The following ANGPT1 variants were observed in gnomAD, a reference collection of about 807,000 sequenced individuals.
ANGPT1 encodes angiopoietin 1.
In ANGPT1, 17 loss-of-function variants were observed where a neutral mutation model predicts 62.2. The observed-to-expected ratio is 0.27, with a 90% CI of 0.19 to 0.41. The LOEUF is 0.41. Ranked by LOEUF, ANGPT1 falls within the 10% of genes least tolerant of loss-of-function variation. The pLI, the probability that ANGPT1 is intolerant of heterozygous loss-of-function variation, is 1.00. For synonymous variants in ANGPT1, 199 were observed against 198.9 expected (o/e 1.00, Z 0.00); for missense variants, 478 against 594.9 (o/e 0.80, Z 2.04).
chr8:107,442,803 T>C (rs1247791275), intron 1 of ANGPT1, among the ~76,000 whole-genome samples: 2 of 152,208 alleles, frequency 1.3e-5, no homozygotes, highest in Non-Finnish European at 2.9e-5. Context: ...CCCAAAGTTT[T>C]AATTTTCCAC....
chr8:107,345,376 C>T (rs915055530), intron 2 of ANGPT1, among the ~76,000 whole-genome samples: 7 of 152,192 alleles, frequency 4.6e-5, no homozygotes, highest in East Asian at 1.9e-4. Context: ...TTACATAGCA[C>T]GCATCTTAAC....
intron 2 of ANGPT1, among the ~76,000 whole-genome samples, chr8:107,339,198 A>C (rs1815642472): frequency 6.6e-6 from 1 of 152,142 alleles, no homozygotes; most frequent in Admixed American, 6.5e-5. Flanking sequence ...CCTCAAGTCT[A>C]TTTGTCACAC....
At chr8:107,304,466 G>A (rs966153063) in intron 4 of ANGPT1, among the ~76,000 whole-genome samples, 1 of 151,522 alleles carries the variant, frequency 6.6e-6, no homozygotes, top group East Asian at 1.9e-4. Flanking sequence ...CAAACACATT[G>A]AGTTATAATA....
chr8:107,493,637 G>T (rs1034979668), intron 1 of ANGPT1, among the ~76,000 whole-genome samples: 1 of 150,384 alleles, frequency 6.6e-6, no homozygotes, highest in Non-Finnish European at 1.5e-5. Context: ...AGACAGTAAA[G>T]TGCAGAATGC....
chr8:107,314,086 T>C (rs568492231), intron 4 of ANGPT1, among the ~76,000 whole-genome samples: 1 of 152,332 alleles, frequency 6.6e-6, no homozygotes, highest in South Asian at 2.1e-4. Flanking sequence ...ATCTGTTGAA[T>C]TTGACTTGAG....
chr8:107,340,666 T>C (rs1414577595), intron 2 of ANGPT1, among the ~76,000 whole-genome samples: 3 of 151,310 alleles, frequency 2.0e-5, no homozygotes, highest in African/African-American at 7.3e-5. Context: ...TTGTATTTTT[T>C]TTTTTTTTGT....
intron 8 of ANGPT1, among the ~76,000 whole-genome samples, chr8:107,256,500 T>C (rs185305495): frequency 4.0e-4 from 61 of 152,334 alleles, no homozygotes; most frequent in Non-Finnish European, 8.4e-4. Context: ...ATTCCTTGTA[T>C]TTACAGGTGA....
At chr8:107,314,723 C>T (rs958494391) in intron 4 of ANGPT1, among the ~76,000 whole-genome samples, 3 of 152,176 alleles carry the variant, frequency 2.0e-5, no homozygotes, top group African/African-American at 2.4e-5. Context: ...CAGCAGATGA[C>T]TTCCTGTATT....
chr8:107,352,967 A>G (rs189725506), intron 1 of ANGPT1, among the ~76,000 whole-genome samples: 4 of 151,080 alleles, frequency 2.6e-5, no homozygotes, highest in African/African-American at 9.7e-5. Flanking sequence ...TGGCCTTATT[A>G]AAAAAAAAGA....
At chr8:107,446,985 C>T (rs61269921) in intron 1 of ANGPT1, among the ~76,000 whole-genome samples, 10,218 of 152,244 alleles carry the variant, frequency 0.067, 450 homozygotes, top group African/African-American at 0.11. Flanking sequence ...GGCCACTCTC[C>T]TTCTAGTAGA....
chr8:107,325,949 G>A lies in ANGPT1; in HGVS notation c.576-3821C>T, dbSNP rs116881589. Among the ~76,000 whole-genome samples, 849 of 152,184 alleles carry A rather than the reference G, an allele frequency of 5.6e-3. 4 individuals carry two copies. The highest frequency in any genetic ancestry group is 0.034 in the Middle Eastern group (10 of 292). On this transcript the variant is annotated intron_variant, in intron 3 of 8. Transcript: ENST00000517746. ...GATCAAAGAAGTCCTGGTACTAAAG[G>A]AAACAATTCTGGACACTGGCTTGTG...
intron 1 of ANGPT1, among the ~76,000 whole-genome samples, chr8:107,443,819 CAA>C (rs34247379): frequency 0.027 from 3,702 of 136,092 alleles, 54 homozygotes; most frequent in Middle Eastern, 0.049. Context: ...AACTATGTCT[CAA>C]AAAAAAAAAA....
At chr8:107,482,147 C>T (rs747999797) in intron 1 of ANGPT1, among the ~76,000 whole-genome samples, 4 of 152,094 alleles carry the variant, frequency 2.6e-5, no homozygotes, top group Non-Finnish European at 5.9e-5. Context: ...TCATTTTTAT[C>T]TTTCAATTAT....
intron 1 of ANGPT1, among the ~76,000 whole-genome samples, chr8:107,359,579 G>GCATT (rs1816117202): frequency 6.6e-6 from 1 of 152,140 alleles, no homozygotes; most frequent in Non-Finnish European, 1.5e-5. Flanking sequence ...CTTCCTAGCA[G>GCATT]CATTCCATTG....
intron 1 of ANGPT1, among the ~76,000 whole-genome samples, chr8:107,365,970 C>T (rs1374682848): frequency 6.6e-6 from 1 of 151,622 alleles, no homozygotes; most frequent in African/African-American, 2.4e-5. Context: ...ACACTAGAAC[C>T]CAGGTCTCTG....
At chr8:107,297,478 G>C (rs1023863009) in intron 5 of ANGPT1, among the ~76,000 whole-genome samples, 2 of 151,496 alleles carry the variant, frequency 1.3e-5, no homozygotes, top group Non-Finnish European at 2.9e-5. Flanking sequence ...ATGTATTACT[G>C]ATGACATAAT....
chr8:107,284,716 T>C lies in ANGPT1; in HGVS notation c.1171A>G (p.Arg391Gly). Reference protein sequence around the residue: ...EGNRAYSQYDRFHIGNEKQNY... With the variant: ...EGNRAYSQYDGFHIGNEKQNY... ...TGCTTTTCATTTCCTATGTGGAATC[T>C]GTCATACTGTGAATAGGCTCGGTTC... The change falls in exon 7 of 9, where the codon AGA becomes GGA. Residue 391 changes from arginine to glycine, a missense_variant. By Grantham distance (125) the Arg-to-Gly change is moderately radical (BLOSUM62 -2). Transcript: ENST00000517746. The C allele has an allele frequency of 6.3e-7, 1 of 1,591,166 alleles. No individual in the cohort carries two copies. The highest frequency in any genetic ancestry group is 1.2e-5 in the South Asian group (1 of 86,618).
intron 8 of ANGPT1, among the ~76,000 whole-genome samples, chr8:107,253,985 C>T (rs967902205): frequency 1.3e-5 from 2 of 152,086 alleles, no homozygotes; most frequent in African/African-American, 4.8e-5. Context: ...TCACCTGAAG[C>T]TAAGTGGGTC....
intron 1 of ANGPT1, among the ~76,000 whole-genome samples, chr8:107,480,960 T>C (rs1335804633): frequency 6.6e-6 from 1 of 152,162 alleles, no homozygotes; most frequent in Non-Finnish European, 1.5e-5. Context: ...GCAATAGTTT[T>C]TTTGGATCTT....
Sources: allele counts gnomAD v4.1 joint callset (sites outside exome capture counted in the v4.1 genomes callset), GRCh38; gene constraint gnomAD v4.1.1; transcripts MANE v1.5; gene names NCBI Gene and HGNC (gene_info 2026-07-23, HGNC 2026-07-21).